MCTP1: variants seen among roughly 807,000 people sequenced by gnomAD.
MCTP1 encodes multiple C2 and transmembrane domain containing 1, also known as multiple C2 and transmembrane domain-containing protein 1.
In MCTP1, 69 loss-of-function variants were observed where a neutral mutation model predicts 120.6. The ratio of observed to expected loss-of-function variants is 0.57; its 90% CI spans 0.47 to 0.70. The LOEUF (loss-of-function observed/expected upper bound fraction) is 0.70, where lower values mean the gene tolerates loss of function less well. Among genes scored for constraint, MCTP1 ranks in the 30% least tolerant of loss-of-function variants. MCTP1 has a pLI of 0.00. For synonymous variants in MCTP1, 529 were observed against 493.1 expected, an observed-to-expected ratio of 1.07 and a Z score of -0.96; for missense variants, 1,203 against 1,248.8, an observed-to-expected ratio of 0.96 and a Z score of 0.55.
intron 19 of MCTP1, among the ~76,000 whole-genome samples, chr5:94,764,078 G>T (rs962623740): frequency 1.3e-5 from 2 of 152,154 alleles, no homozygotes; most frequent in Non-Finnish European, 2.9e-5. Flanking sequence ...CAGGCTAAAG[G>T]AGTAGCTTCT....
At chr5:94,785,242 G>A (rs1303827444) in intron 18 of MCTP1, among the ~76,000 whole-genome samples, 13 of 152,150 alleles carry the variant, frequency 8.5e-5, no homozygotes, top group Admixed American at 6.5e-4. Context: ...GTATTCTTAA[G>A]TGTTCATTCT....
chr5:95,152,652 G>A (rs1206745265), intron 1 of MCTP1, among the ~76,000 whole-genome samples: 1 of 152,084 alleles, frequency 6.6e-6, no homozygotes, highest in African/African-American at 2.4e-5. Flanking sequence ...TATTCCTTCA[G>A]GGCAGGGAGG....
At chr5:95,007,695 G>C (rs954910528) in intron 2 of MCTP1, among the ~76,000 whole-genome samples, 3 of 152,152 alleles carry the variant, frequency 2.0e-5, no homozygotes, top group African/African-American at 7.2e-5. Context: ...ATATCTGGTA[G>C]AAGTTCTCAA....
At chr5:95,237,227 T>C (rs2152668790) in intron 1 of MCTP1, among the ~76,000 whole-genome samples, 1 of 152,268 alleles carries the variant, frequency 6.6e-6, no homozygotes, top group African/African-American at 2.4e-5. Context: ...TGTGTGCTAC[T>C]ACTCAGCCCC....
At chr5:95,113,172 A>G (rs953373421) in intron 1 of MCTP1, among the ~76,000 whole-genome samples, 5 of 152,154 alleles carry the variant, frequency 3.3e-5, no homozygotes, top group African/African-American at 1.2e-4. Context: ...TGAAAAAAAC[A>G]TTAAAGCAGC....
chr5:94,974,166 G>C (rs1349560574), intron 2 of MCTP1, among the ~76,000 whole-genome samples: 1 of 152,004 alleles, frequency 6.6e-6, no homozygotes, highest in African/African-American at 2.4e-5. Flanking sequence ...TATTAAAATG[G>C]TTATCAAATC....
intron 1 of MCTP1, among the ~76,000 whole-genome samples, chr5:95,222,363 A>T (rs1286964180): frequency 2.6e-5 from 4 of 152,242 alleles, no homozygotes; most frequent in Non-Finnish European, 5.9e-5. Flanking sequence ...ATACTGAATT[A>T]AAAAAGAGAG....
intron 1 of MCTP1, among the ~76,000 whole-genome samples, chr5:95,201,284 C>T (rs1258651013): frequency 6.6e-6 from 1 of 152,104 alleles, no homozygotes; most frequent in Non-Finnish European, 1.5e-5. Flanking sequence ...TAACACTCAA[C>T]ACTGACTGAA....
intron 3 of MCTP1, among the ~76,000 whole-genome samples, chr5:94,944,660 G>A (rs1818512347): frequency 6.6e-6 from 1 of 152,158 alleles, no homozygotes; most frequent in Non-Finnish European, 1.5e-5. Flanking sequence ...CTCTCCTAGT[G>A]AGAGTCTTTC....
chr5:94,823,673 T>C (rs1786217977), intron 17 of MCTP1, among the ~76,000 whole-genome samples: 1 of 152,230 alleles, frequency 6.6e-6, no homozygotes, highest in South Asian at 2.1e-4. Context: ...TTCCTATCCA[T>C]GAGCATGGAA....
chr5:95,219,814 C>T (rs1315365540), intron 1 of MCTP1, among the ~76,000 whole-genome samples: 9 of 152,138 alleles, frequency 5.9e-5, no homozygotes, highest in African/African-American at 2.2e-4. Context: ...TCATTTGACT[C>T]CCCACTATTA....
rs754461255 is a variant in MCTP1, at chr5:94,963,354, A to ATTT, written c.839-9996_839-9994dup. Among the ~76,000 whole-genome samples, 572 of 136,792 alleles carry ATTT rather than the reference A, an allele frequency of 4.2e-3. 7 individuals carry two copies. Among genetic ancestry groups the ATTT allele is most frequent in the East Asian group, 0.01 (49 of 4,806 alleles). 89.7% of individuals were successfully genotyped at this position (136,792 alleles called of 152,430 possible). ...GATTGCTAGGTAATATTGTAATTCT[A>ATTT]TTTTTTTTTTTTTTTGAGAAACCTC... On this transcript the variant is annotated intron_variant, in intron 2 of 22. Coordinates refer to ENST00000515393, the MANE Select transcript of MCTP1 (RefSeq NM_024717.7).
intron 2 of MCTP1, among the ~76,000 whole-genome samples, chr5:94,962,508 A>G (rs971935617): frequency 1.3e-5 from 2 of 150,590 alleles, no homozygotes; most frequent in African/African-American, 4.9e-5. Flanking sequence ...TATTGTGTGT[A>G]TGTATATACA....
At chr5:94,837,676 G>C (rs142960787) in intron 17 of MCTP1, among the ~76,000 whole-genome samples, 3 of 152,266 alleles carry the variant, frequency 2.0e-5, no homozygotes, top group African/African-American at 7.2e-5. Context: ...TTTTCTTCAA[G>C]TATCTTTCAT....
At chr5:94,819,118 T>C (rs255329) in intron 17 of MCTP1, among the ~76,000 whole-genome samples, 30,223 of 140,722 alleles carry the variant, frequency 0.21, 4,153 homozygotes, top group East Asian at 0.63. Flanking sequence ...TTTATTTATT[T>C]ATTCATTCAT....
rs1199252518 is a variant in MCTP1, at chr5:94,703,991, A to G, written c.*3505T>C. ...CCAGAGGGTAACATTTTCACCAAAA[A>G]AAAAAGAAAAAAAAATGTTTTGTTT... On this transcript the variant is annotated 3_prime_UTR_variant, in exon 23 of 23. Coordinates refer to ENST00000515393, the MANE Select transcript of MCTP1 (RefSeq NM_024717.7). The G allele has an allele frequency of 8.5e-6, 1 of 117,482 alleles. No individual in the cohort carries two copies. Among genetic ancestry groups the G allele is most frequent in the East Asian group, 2.3e-4 (1 of 4,306 alleles). The allele number at this position is 117,482 out of a possible 1,614,324, so 7.3% of individuals were successfully genotyped here.
chr5:94,872,306 A>G (rs976443744), intron 13 of MCTP1, among the ~76,000 whole-genome samples: 2 of 152,052 alleles, frequency 1.3e-5, no homozygotes, highest in Non-Finnish European at 2.9e-5. Context: ...ACTCTCCGCA[A>G]TCTTCTTAGG....
chr5:94,743,044 A>G (rs1344196501), intron 19 of MCTP1, among the ~76,000 whole-genome samples: 1 of 152,030 alleles, frequency 6.6e-6, no homozygotes, highest in Non-Finnish European at 1.5e-5. Flanking sequence ...AAGACTTCAT[A>G]GGGAAAATAA....
chr5:94,748,178 T>C (rs1225788145), intron 19 of MCTP1, among the ~76,000 whole-genome samples: 5 of 152,204 alleles, frequency 3.3e-5, no homozygotes, highest in African/African-American at 9.7e-5. Flanking sequence ...TTGATGTGGG[T>C]TTTATTCCAT....
Sources: gnomAD v4.1 joint callset for allele counts (sites outside exome capture counted in the v4.1 genomes callset) on GRCh38, gnomAD v4.1.1 for gene constraint, MANE v1.5 for transcripts, NCBI Gene and HGNC (gene_info 2026-07-23, HGNC 2026-07-21) for gene names.